Variants in AHI1 observed in about 807,000 individuals in gnomAD.
The protein encoded by AHI1 is Abelson helper integration site 1, also known as jouberin.
In AHI1, 123 loss-of-function variants were observed where a neutral mutation model predicts 149.3. The ratio of observed to expected loss-of-function variants is 0.82; its 90% CI spans 0.71 to 0.96. AHI1 has a LOEUF of 0.96. AHI1 is among the 40% of genes least tolerant of loss of function. The pLI, the probability that AHI1 is intolerant of heterozygous loss-of-function variation, is 0.00. For synonymous variants in AHI1, 475 were observed against 459.8 expected, an observed-to-expected ratio of 1.03 and a Z score of -0.42; for missense variants, 1,439 against 1,422.7, an observed-to-expected ratio of 1.01 and a Z score of -0.18.
chr6:135,430,739 AT>A (rs1784533108), intron 17 of AHI1, among the ~76,000 whole-genome samples: 1 of 151,968 alleles, frequency 6.6e-6, no homozygotes, highest in Non-Finnish European at 1.5e-5. Flanking sequence ...TATTCGGCAA[AT>A]TTCAAATGAA....
At chr6:135,459,810 A>G (rs1163412533) in intron 8 of AHI1, among the ~76,000 whole-genome samples, 1 of 152,038 alleles carries the variant, frequency 6.6e-6, no homozygotes, top group Admixed American at 6.6e-5. Flanking sequence ...AAGCAAAATG[A>G]TAAGGCATAA....
intron 5 of AHI1, among the ~76,000 whole-genome samples, chr6:135,469,348 T>C (rs924765815): frequency 6.6e-5 from 10 of 152,202 alleles, no homozygotes; most frequent in South Asian, 4.1e-4. Context: ...AAGGTACTTA[T>C]GGAACATACC....
At chr6:135,340,454 A>G (rs1165783402) in intron 24 of AHI1, among the ~76,000 whole-genome samples, 1 of 151,666 alleles carries the variant, frequency 6.6e-6, no homozygotes, top group Non-Finnish European at 1.5e-5. Flanking sequence ...ATAAATTAAA[A>G]AAAGGTGAAA....
chr6:135,362,141 T>G (rs1328109779), intron 23 of AHI1, among the ~76,000 whole-genome samples: 1 of 151,562 alleles, frequency 6.6e-6, no homozygotes, highest in African/African-American at 2.4e-5. Flanking sequence ...TATATATATA[T>G]ATGTATAAAG....
At chr6:135,296,252 T>C (rs533981360) in intron 27 of AHI1, among the ~76,000 whole-genome samples, 1 of 152,324 alleles carries the variant, frequency 6.6e-6, no homozygotes, top group African/African-American at 2.4e-5. Context: ...GGCTCCCACT[T>C]TTTTCCGAGG....
intron 24 of AHI1, among the ~76,000 whole-genome samples, chr6:135,333,371 A>G (rs563227883): frequency 5.3e-5 from 8 of 152,182 alleles, no homozygotes; most frequent in Non-Finnish European, 1.2e-4. Context: ...TTATTTCATA[A>G]GAGGAATAAA....
chr6:135,334,906 T>C (rs898852158), intron 24 of AHI1, among the ~76,000 whole-genome samples: 6 of 152,244 alleles, frequency 3.9e-5, no homozygotes, highest in African/African-American at 1.4e-4. Flanking sequence ...AAGTGCATCA[T>C]AAATTCTGGG....
intron 8 of AHI1, among the ~76,000 whole-genome samples, chr6:135,462,387 G>T (rs1464804758): frequency 6.6e-6 from 1 of 152,080 alleles, no homozygotes; most frequent in East Asian, 1.9e-4. Context: ...AGAAAGGAAA[G>T]AAGTGGTATT....
intron 24 of AHI1, among the ~76,000 whole-genome samples, chr6:135,329,197 T>C (rs892966943): frequency 3.3e-5 from 5 of 152,194 alleles, no homozygotes; most frequent in Non-Finnish European, 5.9e-5. Context: ...TACTAAAGAA[T>C]AGATTTTCTC....
chr6:135,385,948 A>G (rs753731827), intron 23 of AHI1, among the ~76,000 whole-genome samples: 2 of 152,194 alleles, frequency 1.3e-5, no homozygotes, highest in Non-Finnish European at 1.5e-5. Context: ...CATTTTTACC[A>G]TTTTTATGAT....
At chr6:135,467,193 AAAC>A (rs1161039152) in intron 6 of AHI1, among the ~76,000 whole-genome samples, 1 of 152,166 alleles carries the variant, frequency 6.6e-6, no homozygotes, top group Non-Finnish European at 1.5e-5. Flanking sequence ...ACCATGTTAA[AAAC>A]AACTAACAAG....
intron 18 of AHI1, among the ~76,000 whole-genome samples, chr6:135,429,510 T>TCA (rs777959594): frequency 6.6e-6 from 1 of 151,778 alleles, no homozygotes; most frequent in Non-Finnish European, 1.5e-5. Context: ...ATACTAATGC[T>TCA]GTAACAGTAT....
chr6:135,288,744 A>C (rs1781982858), intron 28 of AHI1, among the ~76,000 whole-genome samples: 1 of 152,020 alleles, frequency 6.6e-6, no homozygotes, highest in Non-Finnish European at 1.5e-5. Flanking sequence ...TAGCCTTTTA[A>C]CTAAATCTCT....
chr6:135,466,065 A>G lies in AHI1; in HGVS notation c.498T>C (p.Asp166=), dbSNP rs1331077909. The G allele has an allele frequency of 6.2e-7, 1 of 1,613,892 alleles. No individual in the cohort carries two copies. The highest frequency in any genetic ancestry group is 1.7e-5 in the Admixed American group (1 of 60,008). Residue 166 remains aspartate, a synonymous_variant, in exon 7 of 29, where the codon GAT becomes GAC. Transcript: ENST00000265602. ...CATTTGCCTTCTCACTTTTCTGATGATCAACGCCTGGCTGTGGCTTTGTAT... is the reference window on the plus strand; with the variant it reads ...CATTTGCCTTCTCACTTTTCTGATGGTCAACGCCTGGCTGTGGCTTTGTAT... The part of the protein sequence containing the change: ...KTHTKPQPGV[D]HQKSEKANEG...
intron 8 of AHI1, among the ~76,000 whole-genome samples, chr6:135,462,628 T>A (rs1046501193): frequency 2.6e-5 from 4 of 152,178 alleles, no homozygotes; most frequent in African/African-American, 7.2e-5. Context: ...AGGTCAGGCA[T>A]GGTGGCTCAT....
intron 24 of AHI1, among the ~76,000 whole-genome samples, chr6:135,330,792 T>G (rs532735763): frequency 5.3e-5 from 8 of 152,320 alleles, no homozygotes; most frequent in Non-Finnish European, 1.0e-4. Flanking sequence ...TATTTCAGCG[T>G]TTTTATCCAA....
chr6:135,311,805 G>T (rs564322774), intron 26 of AHI1, among the ~76,000 whole-genome samples: 1 of 152,298 alleles, frequency 6.6e-6, no homozygotes, highest in African/African-American at 2.4e-5. Context: ...TGGTAAAAAT[G>T]TTCTGGAATG....
chr6:135,428,783 A>G, intron 18 of AHI1, 24 bp from the exon 19 acceptor site: 2 of 1,579,538 alleles, frequency 1.3e-6, no homozygotes, highest in South Asian at 1.2e-5. Context: ...AGATTTTACA[A>G]ATGTAACTGT....
intron 24 of AHI1, among the ~76,000 whole-genome samples, chr6:135,339,217 G>C (rs570847922): frequency 6.6e-6 from 1 of 152,234 alleles, no homozygotes; most frequent in Non-Finnish European, 1.5e-5. Flanking sequence ...TATGAGTTAG[G>C]ACTAGAGAAA....
Sources: gnomAD v4.1 joint callset for allele counts (sites outside exome capture counted in the v4.1 genomes callset) on GRCh38, gnomAD v4.1.1 for gene constraint, MANE v1.5 for transcripts, NCBI Gene and HGNC (gene_info 2026-07-23, HGNC 2026-07-21) for gene names.